Variants in RAI1 observed in about 807,000 individuals in gnomAD.
RAI1 encodes retinoic acid-induced protein 1.
In RAI1, 9 loss-of-function variants were observed where a neutral mutation model predicts 123.8. The ratio of observed to expected loss-of-function variants is 0.07; its 90% CI spans 0.04 to 0.13. RAI1 has a LOEUF of 0.13. Ranked by LOEUF, RAI1 falls within the 10% of genes least tolerant of loss-of-function variation. RAI1 has a pLI of 1.00. For missense variants in RAI1, 2,256 were observed against 2,545.8 expected (o/e 0.89, Z 2.45); for synonymous variants, 1,231 against 1,127.3 (o/e 1.09, Z -1.84).
In RAI1 at chr17:17,799,445, G is replaced by A. The variant is rs117712430; in HGVS notation, c.5565+932G>A. Among the ~76,000 whole-genome samples, 860 of 152,216 alleles carry A rather than the reference G, an allele frequency of 5.6e-3. 16 individuals carry two copies. The East Asian group carries it at 0.064, about 11-fold the overall frequency. ...TTCTGAGGGAGGGGTCAGTGGGGGC[G>A]GTGGGGTGCACCTCTCCCCCGGGGC... On this transcript the variant is annotated intron_variant, in intron 3 of 5. Transcript: ENST00000353383. This position sits in a 1 kb window ranked among gnomAD's most constrained non-coding sequence, Gnocchi z 4.5.
chr17:17,801,889 C>T lies in RAI1; in HGVS notation c.5566-1867C>T. ...CTCATTGGTAACCCAGGTAAAATAA[C>T]AGTAATCCCATCATAAGGTTGCTGT... On this transcript the variant is annotated intron_variant, in intron 3 of 5. Coordinates refer to ENST00000353383, the MANE Select transcript of RAI1 (RefSeq NM_030665.4). The surrounding 1 kb of genome is among the most constrained non-coding windows in gnomAD (Gnocchi z 4.1). The T allele has an allele frequency of 2.7e-6, 1 of 365,784 alleles. No individual in the cohort carries two copies. Among genetic ancestry groups the T allele is most frequent in the East Asian group, 7.4e-5 (1 of 13,520 alleles). The allele number at this position is 365,784 out of a possible 1,614,324, so 22.7% of individuals were successfully genotyped here.
At chr17:17,686,614 C>T (rs1173964615) in intron 1 of RAI1, among the ~76,000 whole-genome samples, 86 of 106,652 alleles carry the variant, frequency 8.1e-4, no homozygotes, top group African/African-American at 2.3e-3. Flanking sequence ...TGTGTGCACG[C>T]GCGCGCCGGG....
intron 1 of RAI1, among the ~76,000 whole-genome samples, chr17:17,692,973 G>A (rs549573152): frequency 1.3e-5 from 2 of 152,250 alleles, no homozygotes; most frequent in African/African-American, 2.4e-5. Flanking sequence ...AGAGAGGGCA[G>A]ACTCCACTCT....
intron 2 of RAI1, among the ~76,000 whole-genome samples, chr17:17,738,902 C>T (rs868106485): frequency 6.6e-6 from 1 of 152,168 alleles, no homozygotes; most frequent in Non-Finnish European, 1.5e-5. Context: ...TATAAGTACA[C>T]GGGCCCCAGC....
chr17:17,800,180 G>GTGTCTCTCTCTCTCTCTC lies in RAI1; in HGVS notation c.5565+1668_5565+1669insGTCTCTCTCTCTCTCTCT, dbSNP rs1407505001. 2.7e-4 allele frequency among the ~76,000 whole-genome samples: 32 copies of GTGTCTCTCTCTCTCTCTC among 116,398 alleles called. 1 individual carries two copies. Among genetic ancestry groups the GTGTCTCTCTCTCTCTCTC allele is most frequent in the African/African-American group, 9.6e-4 (32 of 33,446 alleles). 76.4% of individuals were successfully genotyped at this position (116,398 alleles called of 152,430 possible). On this transcript the variant is annotated intron_variant, in intron 3 of 5. Coordinates refer to ENST00000353383, the MANE Select transcript of RAI1 (RefSeq NM_030665.4). The surrounding 1 kb of genome is among the most constrained non-coding windows in gnomAD (Gnocchi z 4.7). ...TCTCTCCTGCTTTCTGTCTCTCTCT[G>GTGTCTCTCTCTCTCTCTC]TCTCTCTCTCTCTCTCTCTCTCTCT...
At chr17:17,716,576 TTG>T (rs1236799590) in intron 1 of RAI1, among the ~76,000 whole-genome samples, 1 of 152,106 alleles carries the variant, frequency 6.6e-6, no homozygotes, top group Non-Finnish European at 1.5e-5. Flanking sequence ...GTATGTGGTT[TTG>T]TGTCTTTTCA....
intron 2 of RAI1, among the ~76,000 whole-genome samples, chr17:17,739,522 G>A (rs970565177): frequency 6.6e-6 from 1 of 152,236 alleles, no homozygotes; most frequent in Non-Finnish European, 1.5e-5. Context: ...GGGAGCCTTT[G>A]GCCGTAAGGC....
intron 1 of RAI1, among the ~76,000 whole-genome samples, chr17:17,697,138 G>C (rs1285202768): frequency 6.6e-6 from 1 of 152,194 alleles, no homozygotes; most frequent in Non-Finnish European, 1.5e-5. Flanking sequence ...ACACATCCAA[G>C]CCCTGCGTGA....
At chr17:17,695,872 A>G (rs749688868) in intron 1 of RAI1, among the ~76,000 whole-genome samples, 1 of 151,920 alleles carries the variant, frequency 6.6e-6, no homozygotes, top group East Asian at 1.9e-4. Flanking sequence ...GTCACCTCCT[A>G]CCTGTACTGA....
rs1055406325 is a variant in RAI1, at chr17:17,685,212, G to C, written c.-149+3419G>C. On this transcript the variant is annotated intron_variant, in intron 1 of 5. Transcript: ENST00000353383. This position sits in a 1 kb window ranked among gnomAD's most constrained non-coding sequence, Gnocchi z 4.0. ...AGGTGCAACAGCAACGGTGTGCGCA[G>C]AGCAGCGTCTCTGCGGGAGAGGCAC... Among the ~76,000 whole-genome samples the C allele has an allele frequency of 1.3e-5, 2 of 152,240 alleles. No individual in the cohort carries two copies. The highest frequency in any genetic ancestry group is 6.5e-5 in the Admixed American group (1 of 15,288).
chr17:17,773,836 T>G (rs191910048), intron 2 of RAI1, among the ~76,000 whole-genome samples: 1 of 152,306 alleles, frequency 6.6e-6, no homozygotes, highest in Non-Finnish European at 1.5e-5. Flanking sequence ...GAGTTCGAAG[T>G]TTCCAAACCT....
intron 2 of RAI1, among the ~76,000 whole-genome samples, chr17:17,773,930 G>A (rs2031251179): frequency 1.3e-5 from 2 of 152,002 alleles, no homozygotes; most frequent in African/African-American, 4.8e-5. Flanking sequence ...TTTATAATTT[G>A]TATATTTATA....
chr17:17,747,176 T>G (rs1394229586), intron 2 of RAI1, among the ~76,000 whole-genome samples: 1 of 152,162 alleles, frequency 6.6e-6, no homozygotes, highest in Non-Finnish European at 1.5e-5. Context: ...TTTGTGTCAG[T>G]GGAGCCTCAT....
intron 4 of RAI1, among the ~76,000 whole-genome samples, chr17:17,807,152 A>G (rs1403666191): frequency 6.6e-6 from 1 of 151,598 alleles, no homozygotes; most frequent in Non-Finnish European, 1.5e-5. Flanking sequence ...CTGCCAGAGA[A>G]GGCGAGGGAG....
In RAI1 at chr17:17,714,934, C is replaced by T. The variant is rs1169018730; in HGVS notation, c.-148-9094C>T. On this transcript the variant is annotated intron_variant, in intron 1 of 5. Coordinates refer to ENST00000353383, the MANE Select transcript of RAI1 (RefSeq NM_030665.4). The surrounding 1 kb of genome is among the most constrained non-coding windows in gnomAD (Gnocchi z 4.9). ...GGAGAGAGGTAGTAATGTCGCCTTC[C>T]ACCTCATGGACTTCCCAGTTTAGAA... 1.3e-5 allele frequency among the ~76,000 whole-genome samples: 2 copies of T among 152,216 alleles called. No homozygotes were observed. The highest frequency in any genetic ancestry group is 2.1e-4 in the South Asian group (1 of 4,826).
intron 2 of RAI1, among the ~76,000 whole-genome samples, chr17:17,764,273 C>T (rs1318998722): frequency 2.0e-5 from 3 of 152,094 alleles, no homozygotes; most frequent in Non-Finnish European, 2.9e-5. Context: ...GAGAAGAGCA[C>T]GAATCATAGG....
chr17:17,700,400 C>T (rs1453139117), intron 1 of RAI1, among the ~76,000 whole-genome samples: 3 of 151,712 alleles, frequency 2.0e-5, no homozygotes, highest in African/African-American at 4.8e-5. Flanking sequence ...CTCGGGGCTC[C>T]AGCGGCCGCG....
At chr17:17,806,961 C>T (rs374641887) in intron 4 of RAI1, among the ~76,000 whole-genome samples, 17 of 152,202 alleles carry the variant, frequency 1.1e-4, no homozygotes, top group African/African-American at 1.7e-4. Context: ...TTTGGCCACA[C>T]GGCAGTAGAG....
intron 1 of RAI1, among the ~76,000 whole-genome samples, chr17:17,697,770 T>C (rs1212818646): frequency 6.6e-6 from 1 of 152,218 alleles, no homozygotes; most frequent in Non-Finnish European, 1.5e-5. Flanking sequence ...TGTGGTTGTG[T>C]GTGTGTCTGA....
Sources: allele counts gnomAD v4.1 joint callset (sites outside exome capture counted in the v4.1 genomes callset), GRCh38; gene constraint gnomAD v4.1.1; non-coding constraint Gnocchi (gnomAD v3.1); transcripts MANE v1.5; gene names NCBI Gene and HGNC (gene_info 2026-07-23, HGNC 2026-07-21).